LRMDA: variants seen among roughly 807,000 people sequenced by gnomAD.
LRMDA encodes the protein leucine-rich melanocyte differentiation-associated protein.
A neutral mutation model predicts 29.8 loss-of-function variants in LRMDA; 18 were observed. The observed-to-expected ratio is 0.60, with a 90% CI of 0.42 to 0.90. The LOEUF (loss-of-function observed/expected upper bound fraction) is 0.90, where lower values mean the gene tolerates loss of function less well. Ranked by LOEUF, LRMDA falls within the 40% of genes least tolerant of loss-of-function variation. The probability of loss-of-function intolerance (pLI) is 0.00; values close to 1 mark genes in which losing one functional copy is unlikely to be tolerated. For synonymous variants in LRMDA, 125 were observed against 109.4 expected (o/e 1.14, Z -0.89); for missense variants, 273 against 273.9 (o/e 1.00, Z 0.02).
intron 5 of LRMDA, among the ~76,000 whole-genome samples, chr10:76,227,465 AT>A (rs1851981116): frequency 6.6e-6 from 1 of 152,172 alleles, no homozygotes; most frequent in Admixed American, 6.5e-5. Flanking sequence ...ACCAACTGTA[AT>A]TTTTCCATCA....
At chr10:75,691,088 CTATGTACATAGATA>C (rs1842142818) in intron 2 of LRMDA, among the ~76,000 whole-genome samples, 1 of 78,050 alleles carries the variant, frequency 1.3e-5, no homozygotes, top group African/African-American at 8.8e-5. Flanking sequence ...ATCTATATAT[CTATGTACATAGATA>C]TATAGATCTA....
At chr10:76,298,824 G>T (rs1453391626) in intron 5 of LRMDA, among the ~76,000 whole-genome samples, 1 of 152,082 alleles carries the variant, frequency 6.6e-6, no homozygotes, top group Non-Finnish European at 1.5e-5. Flanking sequence ...AGGTCCAATG[G>T]ATCCTCTCTT....
At position 75,514,956 on chromosome 10, in the gene LRMDA, A is replaced by G. The variant is rs143305425; in HGVS notation, c.131+76462A>G. 3.9e-5 allele frequency among the ~76,000 whole-genome samples: 6 copies of G among 152,242 alleles called. No individual in the cohort carries two copies. In the East Asian group the frequency reaches 1.2e-3, roughly 29 times the overall value. The stretch of plus-strand genomic sequence containing the variant: ...TTTCCGATGACTCTTTAGAATTTCT[A>G]TTCTGGGTAGCAGAAAAAAGCATAG... On this transcript the variant is annotated intron_variant, in intron 2 of 6. Coordinates refer to ENST00000611255, the MANE Select transcript of LRMDA (RefSeq NM_001305581.2).
At chr10:75,588,883 T>C (rs748332369) in intron 2 of LRMDA, among the ~76,000 whole-genome samples, 13 of 152,260 alleles carry the variant, frequency 8.5e-5, no homozygotes, top group Non-Finnish European at 1.9e-4. Flanking sequence ...TTATTATTTG[T>C]GCCCTTGCTT....
intron 2 of LRMDA, among the ~76,000 whole-genome samples, chr10:75,737,382 GT>G (rs1842778712): frequency 6.6e-6 from 1 of 152,168 alleles, no homozygotes; most frequent in Non-Finnish European, 1.5e-5. Flanking sequence ...CCCCATCACC[GT>G]GGCAGGAACG....
chr10:76,400,671 A>T (rs940140918), intron 6 of LRMDA, among the ~76,000 whole-genome samples: 1 of 151,950 alleles, frequency 6.6e-6, no homozygotes. Context: ...CATTTCCTGG[A>T]TTTTCTTTAT....
chr10:76,408,230 G>A (rs897264086), intron 6 of LRMDA, among the ~76,000 whole-genome samples: 8 of 152,142 alleles, frequency 5.3e-5, no homozygotes, highest in Non-Finnish European at 7.3e-5. Flanking sequence ...GGACACCAGC[G>A]CACAACTGTG....
At chr10:76,541,322 A>C (rs1843352357) in intron 6 of LRMDA, among the ~76,000 whole-genome samples, 1 of 152,134 alleles carries the variant, frequency 6.6e-6, no homozygotes, top group Non-Finnish European at 1.5e-5. Flanking sequence ...CCAACATGCC[A>C]AAACCTCATC....
intron 5 of LRMDA, among the ~76,000 whole-genome samples, chr10:76,191,837 C>A (rs893226485): frequency 6.6e-6 from 1 of 152,122 alleles, no homozygotes; most frequent in African/African-American, 2.4e-5. Context: ...TCACTGGAAA[C>A]GATCGTTAGA....
At chr10:76,205,984 AC>A (rs1851526716) in intron 5 of LRMDA, among the ~76,000 whole-genome samples, 1 of 152,160 alleles carries the variant, frequency 6.6e-6, no homozygotes, top group Non-Finnish European at 1.5e-5. Context: ...CCTCCCAGTG[AC>A]CCATACGCAT....
chr10:76,163,339 G>A (rs1850680585), intron 5 of LRMDA, among the ~76,000 whole-genome samples: 1 of 152,128 alleles, frequency 6.6e-6, no homozygotes, highest in Non-Finnish European at 1.5e-5. Context: ...GTGGGACCAA[G>A]GGTTTCTGAC....
chr10:75,576,890 C>A (rs1208407780), intron 2 of LRMDA, among the ~76,000 whole-genome samples: 1 of 152,158 alleles, frequency 6.6e-6, no homozygotes, highest in African/African-American at 2.4e-5. Flanking sequence ...AGGTCACCGA[C>A]TTCAAAGACC....
chr10:75,872,449 G>A (rs950372795), intron 2 of LRMDA, among the ~76,000 whole-genome samples: 1 of 152,024 alleles, frequency 6.6e-6, no homozygotes, highest in Non-Finnish European at 1.5e-5. Flanking sequence ...GACTACAGTT[G>A]TGTGCCACCA....
chr10:76,555,576 A>G (rs2256413), intron 6 of LRMDA, among the ~76,000 whole-genome samples: 63,350 of 152,032 alleles, frequency 0.42, 14,296 homozygotes, highest in Middle Eastern at 0.57. Flanking sequence ...GTTCCAAGCC[A>G]TCCAAACCAG....
chr10:76,437,370 A>G (rs1842256166), intron 6 of LRMDA: 1 of 152,246 alleles, frequency 6.6e-6, no homozygotes, highest in South Asian at 2.1e-4. Context: ...CCAAGGTTAA[A>G]GAGATATCTG....
intron 2 of LRMDA, among the ~76,000 whole-genome samples, chr10:75,991,346 G>A (rs1240171900): frequency 6.6e-6 from 1 of 152,104 alleles, no homozygotes; most frequent in East Asian, 1.9e-4. Flanking sequence ...ACCCACCAGG[G>A]CTCTTCTGCC....
intron 2 of LRMDA, among the ~76,000 whole-genome samples, chr10:75,729,959 A>AT (rs923303387): frequency 3.3e-5 from 5 of 151,784 alleles, no homozygotes; most frequent in East Asian, 1.9e-4. Context: ...CACCAAGGCT[A>AT]TTTTTTTTAA....
intron 6 of LRMDA, among the ~76,000 whole-genome samples, chr10:76,450,427 A>G (rs1842394513): frequency 6.6e-6 from 1 of 152,104 alleles, no homozygotes; most frequent in African/African-American, 2.4e-5. Context: ...TCTAGTCACT[A>G]AAAAAGTTCA....
intron 5 of LRMDA, among the ~76,000 whole-genome samples, chr10:76,108,615 C>G (rs1169228354): frequency 6.6e-6 from 1 of 152,030 alleles, no homozygotes; most frequent in East Asian, 1.9e-4. Flanking sequence ...ATTTTTGTTT[C>G]CTATTTTTCT....
Sources: gnomAD v4.1 joint callset for allele counts (sites outside exome capture counted in the v4.1 genomes callset) on GRCh38, gnomAD v4.1.1 for gene constraint, MANE v1.5 for transcripts, NCBI Gene and HGNC (gene_info 2026-07-23, HGNC 2026-07-21) for gene names.